The following NLGN1 variants were observed in gnomAD, a reference collection of about 807,000 sequenced individuals.
The protein encoded by NLGN1 is neuroligin 1.
A neutral mutation model predicts 65.5 loss-of-function variants in NLGN1; 12 were observed. The ratio of observed to expected loss-of-function variants is 0.18; its 90% CI spans 0.12 to 0.30. The LOEUF (loss-of-function observed/expected upper bound fraction) is 0.30. Ranked by LOEUF, NLGN1 falls within the 10% of genes least tolerant of loss-of-function variation. The pLI, the probability that NLGN1 is intolerant of heterozygous loss-of-function variation, is 1.00. For missense variants in NLGN1, 750 were observed against 1,007.1 expected, an observed-to-expected ratio of 0.74 and a Z score of 3.46; for synonymous variants, 350 against 359.5, an observed-to-expected ratio of 0.97 and a Z score of 0.30.
intron 4 of NLGN1, among the ~76,000 whole-genome samples, chr3:173,815,849 A>C (rs992879861): frequency 1.3e-5 from 2 of 152,078 alleles, no homozygotes; most frequent in African/African-American, 2.4e-5. Flanking sequence ...TGTTTAATGA[A>C]TATCTTAAAC....
rs766915896 is a variant in NLGN1, at chr3:173,837,193, C to G, written c.646+29361C>G. Reference sequence around the variant, plus strand: ...GAAGAAACAGGAAATTAAGAGTATGCGATTTTCATTCTTAATTCATCTCCT... The same window carrying G: ...GAAGAAACAGGAAATTAAGAGTATGGGATTTTCATTCTTAATTCATCTCCT... On this transcript the variant is annotated intron_variant, in intron 4 of 6. Transcript: ENST00000457714. 3.3e-5 allele frequency among the ~76,000 whole-genome samples: 5 copies of G among 152,098 alleles called. No homozygotes were observed. In the South Asian group the frequency reaches 6.2e-4, roughly 19 times the overall value.
intron 4 of NLGN1, among the ~76,000 whole-genome samples, chr3:174,075,094 A>G (rs1205084833): frequency 6.6e-6 from 1 of 152,150 alleles, no homozygotes; most frequent in Non-Finnish European, 1.5e-5. Flanking sequence ...GATGAGCTAT[A>G]GATGTTATTT....
At chr3:174,086,263 ATATATT>A (rs1743304477) in intron 4 of NLGN1, among the ~76,000 whole-genome samples, 1 of 150,358 alleles carries the variant, frequency 6.7e-6, no homozygotes, top group African/African-American at 2.4e-5. Flanking sequence ...GCATACATAT[ATATATT>A]TATGTATGTG....
chr3:174,284,671 C>T (rs1751920773), exon 7 of NLGN1: 1 of 151,302 alleles, frequency 6.6e-6, no homozygotes, highest in Admixed American at 6.6e-5. Context: ...TAAATCTCTA[C>T]TGAACATGTT....
At chr3:173,610,232 A>G (rs1752076708) in intron 3 of NLGN1, among the ~76,000 whole-genome samples, 1 of 151,954 alleles carries the variant, frequency 6.6e-6, no homozygotes, top group East Asian at 1.9e-4. Flanking sequence ...GTCAAAGAAG[A>G]TTACTATGTT....
chr3:174,021,675 A>G (rs990647274), intron 4 of NLGN1, among the ~76,000 whole-genome samples: 1 of 152,208 alleles, frequency 6.6e-6, no homozygotes, highest in African/African-American at 2.4e-5. Context: ...AGCCTTATGT[A>G]TAAGCACATC....
At chr3:174,118,308 G>A (rs563655282) in intron 4 of NLGN1, among the ~76,000 whole-genome samples, 13 of 152,134 alleles carry the variant, frequency 8.5e-5, no homozygotes, top group Admixed American at 3.3e-4. Flanking sequence ...CAGCGTCAGA[G>A]CTCTCAGAGA....
chr3:173,790,673 G>T (rs1228693473), intron 3 of NLGN1, among the ~76,000 whole-genome samples: 2 of 152,024 alleles, frequency 1.3e-5, no homozygotes, highest in African/African-American at 4.8e-5. Flanking sequence ...GAAGGTACAT[G>T]TGTGAGTATG....
chr3:174,221,649 G>A (rs1738677931), intron 4 of NLGN1, among the ~76,000 whole-genome samples: 1 of 150,898 alleles, frequency 6.6e-6, no homozygotes, highest in African/African-American at 2.4e-5. Context: ...TCCTAGGGCT[G>A]CTGTAACAAA....
Position 174,264,115 on chromosome 3 carries a change from C to T in NLGN1, c.647-11200C>T, listed in dbSNP as rs1309006029. ...GACCTTTCTCTCTGGCTGCCCTTAA[C>T]ATTTTTTCCTTCATTTCAACTTTGG... On this transcript the variant is annotated intron_variant, in intron 4 of 6. Coordinates refer to ENST00000457714, the Ensembl canonical transcript of NLGN1. 1.6e-3 allele frequency among the ~76,000 whole-genome samples: 235 copies of T among 144,384 alleles called. 2 individuals carry two copies. Among genetic ancestry groups the T allele is most frequent in the Non-Finnish European group, 2.1e-3 (138 of 65,592 alleles). The allele number at this position is 144,384 out of a possible 152,430, so 94.7% of individuals were successfully genotyped here.
chr3:173,769,729 G>T (rs1055525107), intron 3 of NLGN1, among the ~76,000 whole-genome samples: 1 of 152,190 alleles, frequency 6.6e-6, no homozygotes, highest in African/African-American at 2.4e-5. Context: ...AGAGTATAAG[G>T]TTGAGTGCAT....
intron 4 of NLGN1, among the ~76,000 whole-genome samples, chr3:174,099,555 T>A (rs1334390855): frequency 6.6e-6 from 1 of 152,182 alleles, no homozygotes; most frequent in Non-Finnish European, 1.5e-5. Flanking sequence ...CCTGGACTTC[T>A]GAGGATTAAA....
chr3:174,224,120 T>G (rs1739159110), intron 4 of NLGN1, among the ~76,000 whole-genome samples: 1 of 152,230 alleles, frequency 6.6e-6, no homozygotes, highest in Non-Finnish European at 1.5e-5. Context: ...TTTCATCACT[T>G]TCTGTTTGCT....
chr3:174,102,530 A>G (rs1203117279), intron 4 of NLGN1, among the ~76,000 whole-genome samples: 6 of 152,154 alleles, frequency 3.9e-5, no homozygotes, highest in Admixed American at 2.6e-4. Flanking sequence ...TCCAAGTGTA[A>G]TTGTTAGGAA....
intron 4 of NLGN1, among the ~76,000 whole-genome samples, chr3:173,836,347 G>T (rs902246810): frequency 6.6e-6 from 1 of 151,916 alleles, no homozygotes; most frequent in Non-Finnish European, 1.5e-5. Context: ...ATTCATTGGG[G>T]TTAGCACCAT....
intron 4 of NLGN1, among the ~76,000 whole-genome samples, chr3:173,862,056 A>T (rs1160210676): frequency 6.6e-6 from 1 of 151,898 alleles, no homozygotes; most frequent in Non-Finnish European, 1.5e-5. Context: ...GGCGTGAGCC[A>T]CCACACCCGG....
At chr3:173,645,927 C>T (rs1009482442) in intron 3 of NLGN1, among the ~76,000 whole-genome samples, 2 of 152,196 alleles carry the variant, frequency 1.3e-5, no homozygotes, top group Non-Finnish European at 2.9e-5. Context: ...GCTCCTTAAA[C>T]AGTCTGAACC....
chr3:173,515,354 A>T (rs1007317728), intron 2 of NLGN1, among the ~76,000 whole-genome samples: 2 of 152,080 alleles, frequency 1.3e-5, no homozygotes, highest in African/African-American at 4.8e-5. Context: ...TACTTATTTT[A>T]TTATTGAGTC....
intron 4 of NLGN1, among the ~76,000 whole-genome samples, chr3:174,210,095 T>C (rs1736176312): frequency 6.6e-6 from 1 of 152,186 alleles, no homozygotes; most frequent in Admixed American, 6.5e-5. Context: ...CATCACATTA[T>C]AGGTTCCCCT....
Sources: gnomAD v4.1 joint callset for allele counts (sites outside exome capture counted in the v4.1 genomes callset) on GRCh38, gnomAD v4.1.1 for gene constraint, MANE v1.5 for transcripts, NCBI Gene and HGNC (gene_info 2026-07-23, HGNC 2026-07-21) for gene names.